Variants in FLNB observed in about 807,000 individuals in gnomAD.
FLNB encodes the protein filamin-B.
FLNB carries 111 observed loss-of-function variants against 250.6 expected under a neutral mutation model. That is an observed-to-expected ratio of 0.44 (90% CI 0.38 to 0.52). FLNB has a LOEUF of 0.52. Among genes scored for constraint, FLNB ranks in the 20% least tolerant of loss-of-function variants. FLNB has a pLI of 0.00. For missense variants in FLNB, 2,869 were observed against 3,447.8 expected, an observed-to-expected ratio of 0.83 and a Z score of 4.20; for synonymous variants, 1,302 against 1,372.1, an observed-to-expected ratio of 0.95 and a Z score of 1.13.
intron 2 of FLNB, among the ~76,000 whole-genome samples, chr3:58,077,811 C>T (rs1293431512): frequency 6.6e-6 from 1 of 152,110 alleles, no homozygotes. Context: ...GCCTTTTCCA[C>T]CCTTGATGGG....
chr3:58,082,087 C>A (rs1337128505), intron 4 of FLNB, among the ~76,000 whole-genome samples: 2 of 152,024 alleles, frequency 1.3e-5, no homozygotes, highest in Non-Finnish European at 2.9e-5. Context: ...TTGGTCTTGC[C>A]CCAGATCACC....
intron 42 of FLNB, among the ~76,000 whole-genome samples, chr3:58,162,318 A>G (rs2097363147): frequency 6.6e-6 from 1 of 152,162 alleles, no homozygotes; most frequent in African/African-American, 2.4e-5. Flanking sequence ...GAGGGCTTCA[A>G]GGAGGAAGCG....
At chr3:58,053,508 T>G (rs1364910680) in intron 1 of FLNB, among the ~76,000 whole-genome samples, 1 of 152,238 alleles carries the variant, frequency 6.6e-6, no homozygotes, top group African/African-American at 2.4e-5. Flanking sequence ...TCACCCGGGC[T>G]GGAGTGCAGT....
At chr3:58,014,479 C>T (rs543454723) in intron 1 of FLNB, among the ~76,000 whole-genome samples, 1 of 152,342 alleles carries the variant, frequency 6.6e-6, no homozygotes, top group African/African-American at 2.4e-5. Flanking sequence ...CCAGCAACGG[C>T]GGAGCCAGCA....
In FLNB at chr3:58,118,851, GAGT is replaced by G; in HGVS notation, c.2746-20_2746-18del. On this transcript the variant is annotated intron_variant, in intron 18 of 45. Transcript: ENST00000295956. ...GCTTTTTGGTACCCAAAGGTAAACT[GAGT>G]TTTCTCTCTTGTTCCAGGGCAACAT... 6.3e-7 allele frequency: 1 copy of G among 1,594,172 alleles called. No individual in the cohort carries two copies. The highest frequency in any genetic ancestry group is 8.6e-7 in the Non-Finnish European group (1 of 1,161,884).
intron 1 of FLNB, among the ~76,000 whole-genome samples, chr3:58,070,936 GCT>G (rs528351623): frequency 3.4e-5 from 5 of 147,016 alleles, no homozygotes; most frequent in South Asian, 2.2e-4. Context: ...AGGCTCTCTT[GCT>G]CTCTCTCTCT....
intron 8 of FLNB, among the ~76,000 whole-genome samples, chr3:58,100,373 A>AAAAAAAAAAAAAAATATATATATATAT: frequency 5.5e-4 from 57 of 104,338 alleles, no homozygotes; most frequent in Middle Eastern, 4.8e-3. Flanking sequence ...GTAAAAAAAA[A>AAAAAAAAAAAAAAATATATATATATAT]ATATATATAT....
intron 1 of FLNB, among the ~76,000 whole-genome samples, chr3:58,068,923 G>A (rs1049111728): frequency 1.3e-5 from 2 of 152,170 alleles, no homozygotes; most frequent in East Asian, 3.8e-4. Flanking sequence ...AGTAAACTGG[G>A]ATGTTAAGGA....
intron 1 of FLNB, among the ~76,000 whole-genome samples, chr3:58,071,080 G>A (rs972589272): frequency 6.6e-6 from 1 of 150,984 alleles, no homozygotes; most frequent in African/African-American, 2.4e-5. Flanking sequence ...TCAAGTACTA[G>A]TTGGTACTAA....
rs528314716 is a variant in FLNB at position 58,014,715 on chromosome 3, A to G, written c.292+5859A>G. ...CCAGTAGCTCCATGGTCAGGGTGCC[A>G]GTCACCTTGCGTTTTCTTTTTCTTT... On this transcript the variant is annotated intron_variant, in intron 1 of 45. Coordinates refer to ENST00000295956, the MANE Select transcript of FLNB (RefSeq NM_001457.4). Among the ~76,000 whole-genome samples the G allele has an allele frequency of 7.2e-5, 11 of 152,060 alleles. 1 individual carries two copies. In the South Asian group the frequency reaches 2.1e-3, roughly 29 times the overall value.
chr3:58,100,373 A>AAAAAAATATATATATATATATATAT lies in FLNB; in HGVS notation c.1345+1466_1345+1467insAAAAATATATATATATATATATATA. Reference sequence around the variant, plus strand: ...AATGATTTTACATATGTAAAAAAAAAATATATATATATTTGCAGGGGCGCG... The same window carrying AAAAAAATATATATATATATATATAT: ...AATGATTTTACATATGTAAAAAAAAAAAAAAATATATATATATATATATATATATATATATATTTGCAGGGGCGCG... On this transcript the variant is annotated intron_variant, in intron 8 of 45. Transcript: ENST00000295956. Among the ~76,000 whole-genome samples, 415 of 104,304 alleles carry AAAAAAATATATATATATATATATAT rather than the reference A, an allele frequency of 4.0e-3. 3 individuals are homozygous for AAAAAAATATATATATATATATATAT. The highest frequency in any genetic ancestry group is 4.8e-3 in the Middle Eastern group (1 of 210). The allele number at this position is 104,304 out of a possible 152,430, so 68.4% of individuals were successfully genotyped here. A position where few individuals can be genotyped will look rare whatever the true frequency, so the allele number is the denominator to read the frequency against.
rs1445063775 is a variant in FLNB, at chr3:58,008,497, C to T, written c.-68C>T. 3.3e-6 allele frequency: 5 copies of T among 1,520,790 alleles called. No individual in the cohort carries two copies. The highest frequency in any genetic ancestry group is 1.2e-5 in the South Asian group (1 of 83,636). The allele number at this position is 1,520,790 out of a possible 1,614,324, so 94.2% of individuals were successfully genotyped here. Reference sequence around the variant, plus strand: ...CGCTCCGCTTCGGTTCTCGCTCCTTCGGCCCTTGGGCCTCCAAACACCAGT... The same window carrying T: ...CGCTCCGCTTCGGTTCTCGCTCCTTTGGCCCTTGGGCCTCCAAACACCAGT... On this transcript the variant is annotated 5_prime_UTR_variant, in exon 1 of 46. Coordinates refer to ENST00000295956, the MANE Select transcript of FLNB (RefSeq NM_001457.4).
intron 4 of FLNB, among the ~76,000 whole-genome samples, chr3:58,086,744 T>G (rs13315037): frequency 0.081 from 12,259 of 152,232 alleles, 559 homozygotes; most frequent in African/African-American, 0.093. Flanking sequence ...AGCCGGAGAT[T>G]AAATGAGACT....
At chr3:58,038,621 G>T (rs1165993070) in intron 1 of FLNB, among the ~76,000 whole-genome samples, 3 of 150,588 alleles carry the variant, frequency 2.0e-5, no homozygotes, top group Non-Finnish European at 4.4e-5. Context: ...GAGAGACAGG[G>T]TCTCACTATG....
chr3:58,095,809 C>G (rs1280284296), intron 5 of FLNB, among the ~76,000 whole-genome samples: 1 of 152,214 alleles, frequency 6.6e-6, no homozygotes, highest in African/African-American at 2.4e-5. Flanking sequence ...TTTTTAGTAC[C>G]TAACACTGGG....
At chr3:58,040,586 A>G (rs1379842341) in intron 1 of FLNB, among the ~76,000 whole-genome samples, 1 of 152,110 alleles carries the variant, frequency 6.6e-6, no homozygotes. Context: ...CCTCCGTCTC[A>G]CTGGTTCAAG....
At chr3:58,159,010 G>A (rs902598671) in intron 41 of FLNB, among the ~76,000 whole-genome samples, 7 of 151,732 alleles carry the variant, frequency 4.6e-5, no homozygotes, top group African/African-American at 1.7e-4. Flanking sequence ...TGGCACCCTA[G>A]ATATATAGCT....
At chr3:58,018,390 AGTG>A (rs1223535310) in intron 1 of FLNB, among the ~76,000 whole-genome samples, 1 of 122,744 alleles carries the variant, frequency 8.1e-6, no homozygotes, top group African/African-American at 3.3e-5. Flanking sequence ...GCTGGAGTGT[AGTG>A]GTGCAATCTT....
intron 6 of FLNB, 136 bp from the exon 7 acceptor site, chr3:58,097,679 G>T: frequency 2.3e-6 from 2 of 870,854 alleles, no homozygotes; most frequent in Middle Eastern, 3.3e-4. Flanking sequence ...TGGTTCCAGG[G>T]CTCCTTATTC....
Sources: allele counts gnomAD v4.1 joint callset (sites outside exome capture counted in the v4.1 genomes callset), GRCh38; gene constraint gnomAD v4.1.1; transcripts MANE v1.5; gene names NCBI Gene and HGNC (gene_info 2026-07-23, HGNC 2026-07-21).